SPTLC1: variants seen among roughly 807,000 people sequenced by gnomAD.
SPTLC1 encodes the protein serine palmitoyltransferase long chain base subunit 1.
A neutral mutation model predicts 68.9 loss-of-function variants in SPTLC1; 55 were observed. That is an observed-to-expected ratio of 0.80 (90% CI 0.64 to 1.00). The LOEUF is 1.00. Among genes scored for constraint, SPTLC1 ranks in the 50% least tolerant of loss-of-function variants. SPTLC1 has a pLI of 0.00. For missense variants in SPTLC1, 449 were observed against 573.1 expected, an observed-to-expected ratio of 0.78 and a Z score of 2.21; for synonymous variants, 197 against 201.6, an observed-to-expected ratio of 0.98 and a Z score of 0.19.
intron 2 of SPTLC1, chr9:92,111,487 C>G (rs931600227): frequency 6.6e-6 from 1 of 152,278 alleles, no homozygotes; most frequent in East Asian, 1.9e-4. Context: ...CCTATACGAA[C>G]TTCACCTATG....
rs374737655 is a variant in SPTLC1, at chr9:92,032,434, G to A, written c.*31C>T. On this transcript the variant is annotated 3_prime_UTR_variant, in exon 15 of 15. Transcript: ENST00000262554. ...GTCTTGAGTCCTCTCTGCGTGTTGT[G>A]TGGCAGGAGGCCATGGTCCCGGGAC... 11 of 1,613,920 alleles carry A rather than the reference G, an allele frequency of 6.8e-6. No individual in the cohort carries two copies. In the Admixed American group the frequency reaches 8.3e-5, roughly 12 times the overall value.
chr9:92,046,337 A>G, intron 11 of SPTLC1: 1 of 391,734 alleles, frequency 2.6e-6, no homozygotes, highest in Non-Finnish European at 4.6e-6. Flanking sequence ...TAATCTGGCT[A>G]AGAATCAAAG....
At chr9:92,078,974 AGGAT>A (rs747604413) in intron 5 of SPTLC1, 129 of 852,952 alleles carry the variant, frequency 1.5e-4, no homozygotes, top group Non-Finnish European at 1.7e-4. Context: ...AATGGAAACA[AGGAT>A]GGAAGATGGA....
intron 14 of SPTLC1, among the ~76,000 whole-genome samples, chr9:92,033,537 T>G (rs1564078485): frequency 6.6e-6 from 1 of 151,712 alleles, no homozygotes; most frequent in Non-Finnish European, 1.5e-5. Context: ...TACTAACAAG[T>G]AAACGTAGGA....
intron 3 of SPTLC1, among the ~76,000 whole-genome samples, chr9:92,103,589 A>G (rs1404160658): frequency 2.0e-5 from 3 of 152,216 alleles, no homozygotes; most frequent in African/African-American, 7.2e-5. Flanking sequence ...CCTGCCTGCC[A>G]GGGAGGCATG....
In SPTLC1 at chr9:92,084,101, G is replaced by C. The variant is rs372852132; in HGVS notation, c.261-3138C>G. Among the ~76,000 whole-genome samples, 111 of 151,764 alleles carry C rather than the reference G, an allele frequency of 7.3e-4. 1 individual carries two copies. The highest frequency in any genetic ancestry group is 1.5e-3 in the East Asian group (8 of 5,168). ...TTTGTACATTGATTTTGTATCCTGA[G>C]ACTTTGCTGAAGTTGCTTATCAGCT... On this transcript the variant is annotated intron_variant, in intron 3 of 14. Transcript: ENST00000262554.
intron 3 of SPTLC1, among the ~76,000 whole-genome samples, chr9:92,082,633 C>T (rs1834929623): frequency 6.6e-6 from 1 of 151,984 alleles, no homozygotes. Context: ...TTAATCCAGT[C>T]TATCATTGTC....
chr9:92,089,522 T>C (rs1835280301), intron 3 of SPTLC1, among the ~76,000 whole-genome samples: 1 of 152,116 alleles, frequency 6.6e-6, no homozygotes, highest in Non-Finnish European at 1.5e-5. Context: ...ATAGATTAAA[T>C]ACCCCATCAG....
intron 12 of SPTLC1, among the ~76,000 whole-genome samples, chr9:92,045,742 T>TTTTCATC (rs1390922742): frequency 6.6e-6 from 1 of 152,158 alleles, no homozygotes; most frequent in Non-Finnish European, 1.5e-5. Context: ...TGGGTTGTTA[T>TTTTCATC]TTTCATCTTT....
In SPTLC1 at chr9:92,102,710, T is replaced by C. The variant is rs574928864; in HGVS notation, c.260+6030A>G. On this transcript the variant is annotated intron_variant, in intron 3 of 14. Coordinates refer to ENST00000262554, the MANE Select transcript of SPTLC1 (RefSeq NM_006415.4). ...AATCAAAGCTTATCAGTACAGAAAC[T>C]CACCAAACCATAAAGCAAACAATAA... is the stretch of plus-strand genomic sequence containing the variant. Among the ~76,000 whole-genome samples the C allele has an allele frequency of 3.9e-5, 6 of 152,106 alleles. No homozygotes were observed. In the East Asian group the frequency reaches 1.2e-3, roughly 29 times the overall value.
chr9:92,052,980 T>A (rs909167165), intron 8 of SPTLC1, among the ~76,000 whole-genome samples: 1 of 150,974 alleles, frequency 6.6e-6, no homozygotes, highest in Non-Finnish European at 1.5e-5. Context: ...GAGAAAATAT[T>A]TGCAAATCAT....
chr9:92,040,471 A>G (rs1310961818), intron 12 of SPTLC1, among the ~76,000 whole-genome samples: 2 of 152,076 alleles, frequency 1.3e-5, no homozygotes, highest in African/African-American at 4.8e-5. Context: ...AATTTTCCTC[A>G]AGAAATACAA....
At chr9:92,101,452 C>G (rs1350759265) in intron 3 of SPTLC1, among the ~76,000 whole-genome samples, 2 of 149,780 alleles carry the variant, frequency 1.3e-5, no homozygotes, top group African/African-American at 4.9e-5. Context: ...GTCCCAGCTA[C>G]TCCGGAGGCT....
chr9:92,056,379 C>T (rs1833891540), intron 7 of SPTLC1, among the ~76,000 whole-genome samples: 1 of 152,160 alleles, frequency 6.6e-6, no homozygotes, highest in Admixed American at 6.5e-5. Flanking sequence ...CAGGCACCCG[C>T]CACCACGCTC....
intron 5 of SPTLC1, among the ~76,000 whole-genome samples, chr9:92,074,747 C>T (rs1361424413): frequency 1.3e-5 from 2 of 152,176 alleles, no homozygotes; most frequent in African/African-American, 4.8e-5. Context: ...CAGGCTAGTC[C>T]AAGACCTTCG....
chr9:92,101,598 AAAAC>A (rs778748525), intron 3 of SPTLC1, among the ~76,000 whole-genome samples: 6 of 148,740 alleles, frequency 4.0e-5, no homozygotes, highest in African/African-American at 2.5e-5. Flanking sequence ...AAGAAAAAAG[AAAAC>A]AAACCAACAG....
chr9:92,089,137 G>A (rs1004735709), intron 3 of SPTLC1, among the ~76,000 whole-genome samples: 3 of 152,126 alleles, frequency 2.0e-5, no homozygotes, highest in Admixed American at 6.5e-5. Flanking sequence ...TGGGCTGGGC[G>A]TGGTGGCTCA....
chr9:92,095,710 C>G (rs753143537), intron 3 of SPTLC1, among the ~76,000 whole-genome samples: 11 of 152,044 alleles, frequency 7.2e-5, no homozygotes, highest in Non-Finnish European at 1.6e-4. Context: ...CTAAACCCAC[C>G]CAGACCAGAA....
intron 3 of SPTLC1, among the ~76,000 whole-genome samples, chr9:92,086,991 T>C (rs773914255): frequency 1.7e-4 from 26 of 152,254 alleles, no homozygotes; most frequent in Non-Finnish European, 3.4e-4. Context: ...ATTTCATTCA[T>C]TTCATCTTCC....
Sources: allele counts gnomAD v4.1 joint callset (sites outside exome capture counted in the v4.1 genomes callset), GRCh38; gene constraint gnomAD v4.1.1; transcripts MANE v1.5; gene names NCBI Gene and HGNC (gene_info 2026-07-23, HGNC 2026-07-21).